PECAM1: variants seen among roughly 807,000 people sequenced by gnomAD.
The protein encoded by PECAM1 is platelet and endothelial cell adhesion molecule 1.
In PECAM1, 8 loss-of-function variants were observed where a neutral mutation model predicts 13.8. That is an observed-to-expected ratio of 0.58 (90% CI 0.34 to 1.05). The LOEUF (loss-of-function observed/expected upper bound fraction) is 1.05. Among genes scored for constraint, PECAM1 ranks in the 50% least tolerant of loss-of-function variants. The pLI, the probability that PECAM1 is intolerant of heterozygous loss-of-function variation, is 0.03. For missense variants in PECAM1, 304 were observed against 141.2 expected (o/e 2.15, Z -5.84); for synonymous variants, 136 against 52.6 (o/e 2.58, Z -6.86).
intron 12 of PECAM1, 59 bp from the exon 13 acceptor site, chr17:64,348,381 G>C (rs1362683517): frequency 2.2e-6 from 1 of 462,898 alleles, no homozygotes; most frequent in African/African-American, 2.0e-5. Context: ...GGGCACCTCA[G>C]ATCATAGAAG....
At chr17:64,361,532 T>C (rs1415006800) in intron 6 of PECAM1, among the ~76,000 whole-genome samples, 2 of 151,636 alleles carry the variant, frequency 1.3e-5, no homozygotes, top group African/African-American at 4.8e-5. Context: ...GGTGGGCAGA[T>C]CACCTGAGGT....
intron 14 of PECAM1, among the ~76,000 whole-genome samples, chr17:64,331,495 C>G (rs1164271072): frequency 6.6e-6 from 1 of 152,228 alleles, no homozygotes; most frequent in Non-Finnish European, 1.5e-5. Flanking sequence ...CTCACACCAC[C>G]TTCTTGGCAG....
chr17:64,324,091 A>T (rs2034877284), intron 15 of PECAM1, among the ~76,000 whole-genome samples: 3 of 152,158 alleles, frequency 2.0e-5, no homozygotes, highest in Admixed American at 2.0e-4. Context: ...ATAAAGGTCA[A>T]ATTTACTTAA....
intron 9 of PECAM1, 43 bp from the exon 10 acceptor site, chr17:64,353,561 C>T (rs1337813268): frequency 2.2e-6 from 1 of 459,842 alleles, no homozygotes; most frequent in Non-Finnish European, 4.0e-6. Context: ...TATACAGTAC[C>T]CACATCCATA....
chr17:64,361,162 C>T (rs2035968443), intron 6 of PECAM1, among the ~76,000 whole-genome samples: 24 of 58,920 alleles, frequency 4.1e-4, no homozygotes, highest in Admixed American at 2.9e-3. Flanking sequence ...TGTGTGTGTT[C>T]TGAGACCGAG....
intron 14 of PECAM1, among the ~76,000 whole-genome samples, chr17:64,340,508 C>T (rs1209878106): frequency 2.0e-5 from 3 of 152,080 alleles, no homozygotes; most frequent in Non-Finnish European, 4.4e-5. Context: ...TCACTATTTC[C>T]CCCACAATGT....
chr17:64,353,534 C>A lies in PECAM1; in HGVS notation c.1889-16G>T. The A allele has an allele frequency of 2.1e-6, 1 of 468,410 alleles. No homozygotes were observed. The highest frequency in any genetic ancestry group is 3.2e-5 in the Admixed American group (1 of 30,774). The allele number at this position is 468,410 out of a possible 1,614,324, so 29.0% of individuals were successfully genotyped here. On this transcript the variant is annotated splice_polypyrimidine_tract_variant and intron_variant, in intron 9 of 15. Transcript: ENST00000563924. Reference sequence around the variant, plus strand: ...ATCTGCTTGGCTTTAAAACAGAAAACGAAAAACCAAAGTCAGTATACAGTA... The same window carrying A: ...ATCTGCTTGGCTTTAAAACAGAAAAAGAAAAACCAAAGTCAGTATACAGTA...
chr17:64,321,760 C>A lies in PECAM1; in HGVS notation c.*2056G>T, dbSNP rs1236574591. On this transcript the variant is annotated 3_prime_UTR_variant, in exon 16 of 16. Transcript: ENST00000563924. ...TGGGCAACAGAGCAAGCCCCTGTCTCAACAAAACAAAACAAAACAAAAAAT... is the reference window on the plus strand; with the variant it reads ...TGGGCAACAGAGCAAGCCCCTGTCTAAACAAAACAAAACAAAACAAAAAAT... 1 of 1,289,806 alleles carries A rather than the reference C, an allele frequency of 7.8e-7. No individual in the cohort carries two copies. The highest frequency in any genetic ancestry group is 1.2e-5 in the South Asian group (1 of 81,702). The allele number at this position is 1,289,806 out of a possible 1,614,324, so 79.9% of individuals were successfully genotyped here. A position where few individuals can be genotyped will look rare whatever the true frequency, so the allele number is the denominator to read the frequency against.
chr17:64,323,806 G>A lies in PECAM1; in HGVS notation c.*10C>T. The A allele has an allele frequency of 1.1e-6, 1 of 924,466 alleles. No individual in the cohort carries two copies. The highest frequency in any genetic ancestry group is 1.8e-6 in the Non-Finnish European group (1 of 549,720). The allele number at this position is 924,466 out of a possible 1,614,324, so 57.3% of individuals were successfully genotyped here. On this transcript the variant is annotated 3_prime_UTR_variant, in exon 16 of 16. Coordinates refer to ENST00000563924, the MANE Select transcript of PECAM1 (RefSeq NM_000442.5). ...ATGTCCTTCCAGGGATGTGCATCTG[G>A]CCTTGCTGTCTAAGTTCCATCAAGG... is the stretch of plus-strand genomic sequence containing the variant.
In PECAM1 at chr17:64,320,271, G is replaced by A. The variant is rs1555644252; in HGVS notation, c.*3545C>T. 1.3e-5 allele frequency: 2 copies of A among 152,266 alleles called. No homozygotes were observed. The highest frequency in any genetic ancestry group is 2.9e-5 in the Non-Finnish European group (2 of 68,136). The allele number at this position is 152,266 out of a possible 1,614,324, so 9.4% of individuals were successfully genotyped here. A position where few individuals can be genotyped will look rare whatever the true frequency, so the allele number is the denominator to read the frequency against. ...CTCCTCCTTAAGACTCTCAAAGACTGAGTCAGGCCAGTGGGAGCCTGGCAG... is the reference window on the plus strand; with the variant it reads ...CTCCTCCTTAAGACTCTCAAAGACTAAGTCAGGCCAGTGGGAGCCTGGCAG... On this transcript the variant is annotated 3_prime_UTR_variant, in exon 16 of 16. Transcript: ENST00000563924.
At chr17:64,370,683 T>G (rs900691031) in intron 4 of PECAM1, among the ~76,000 whole-genome samples, 1 of 152,088 alleles carries the variant, frequency 6.6e-6, no homozygotes, top group Admixed American at 6.6e-5. Flanking sequence ...CTATCTCTAT[T>G]TAAAAAGAAA....
chr17:64,390,333 GC>G (rs1423867637), intron 2 of PECAM1, 155 bp downstream of exon 2: 3 of 406,426 alleles, frequency 7.4e-6, no homozygotes, highest in African/African-American at 6.2e-5. Context: ...TTCTAAAAAT[GC>G]CCACATGGGA....
intron 14 of PECAM1, among the ~76,000 whole-genome samples, chr17:64,337,463 G>A (rs2035308238): frequency 6.6e-6 from 1 of 152,194 alleles, no homozygotes; most frequent in East Asian, 1.9e-4. Flanking sequence ...TGACTGTGGG[G>A]ATAACCAGCA....
chr17:64,361,753 C>CAAAAAAAA (rs61144320), intron 6 of PECAM1, among the ~76,000 whole-genome samples: 2 of 68,116 alleles, frequency 2.9e-5, no homozygotes, highest in Admixed American at 4.2e-4. Flanking sequence ...AACTCCATCT[C>CAAAAAAAA]AAAAAAAAAA....
chr17:64,341,986 C>A (rs2035442524), intron 13 of PECAM1, among the ~76,000 whole-genome samples: 1 of 152,016 alleles, frequency 6.6e-6, no homozygotes, highest in Admixed American at 6.6e-5. Context: ...CCCGTCTCTA[C>A]TAAAAATTCA....
At chr17:64,332,598 G>C (rs2035155151) in intron 14 of PECAM1, among the ~76,000 whole-genome samples, 1 of 152,224 alleles carries the variant, frequency 6.6e-6, no homozygotes, top group Admixed American at 6.5e-5. Flanking sequence ...CCCAGGGGCA[G>C]GGTTGGCAGT....
In PECAM1 at chr17:64,360,434, C is replaced by T. The variant is rs1335952071; in HGVS notation, c.1217-19G>A. 2 of 474,510 alleles carry T rather than the reference C, an allele frequency of 4.2e-6. No individual in the cohort carries two copies. The highest frequency in any genetic ancestry group is 2.0e-5 in the African/African-American group (1 of 50,478). 29.4% of individuals were successfully genotyped at this position (474,510 alleles called of 1,614,324 possible). ...AGCATTTCTAGAACAGAGGGAGAAA[C>T]AATCCAAAAGGCACTGAAGGTAAAA... On this transcript the variant is annotated intron_variant, in intron 6 of 15. Coordinates refer to ENST00000563924, the MANE Select transcript of PECAM1 (RefSeq NM_000442.5).
chr17:64,340,097 A>G (rs118196764), intron 14 of PECAM1, among the ~76,000 whole-genome samples: 8,452 of 152,264 alleles, frequency 0.056, 444 homozygotes, highest in African/African-American at 0.13. Flanking sequence ...AGTTGCAGTC[A>G]GCTGAGATGG....
chr17:64,372,292 G>A (rs2036259284), intron 4 of PECAM1, among the ~76,000 whole-genome samples: 2 of 151,882 alleles, frequency 1.3e-5, no homozygotes, highest in African/African-American at 4.8e-5. Context: ...TAAGGATGTG[G>A]GAAAACAAAC....
Sources: allele counts gnomAD v4.1 joint callset (sites outside exome capture counted in the v4.1 genomes callset), GRCh38; gene constraint gnomAD v4.1.1; transcripts MANE v1.5; gene names NCBI Gene and HGNC (gene_info 2026-07-23, HGNC 2026-07-21).